CEP89: variants seen among roughly 807,000 people sequenced by gnomAD.
CEP89 encodes centrosomal protein 89.
CEP89 carries 95 observed loss-of-function variants against 97.6 expected under a neutral mutation model. The ratio of observed to expected loss-of-function variants is 0.97; its 90% CI spans 0.82 to 1.15. CEP89 has a LOEUF of 1.15. Ranked by LOEUF, CEP89 falls within the 50% of genes most tolerant of loss-of-function variation. CEP89 has a pLI of 0.00. For missense variants in CEP89, 869 were observed against 947.7 expected (o/e 0.92, Z 1.09); for synonymous variants, 354 against 349.1 (o/e 1.01, Z -0.16).
chr19:32,878,944 A>T lies in CEP89; in HGVS notation c.*218T>A, dbSNP rs1333878099. On this transcript the variant is annotated 3_prime_UTR_variant, in exon 19 of 19. Transcript: ENST00000305768. ...ACCACTGTACTCCAGCATGGGCAAC[A>T]GAGTGAGACCCTAGCTCTAAAAAAA... The T allele has an allele frequency of 1.2e-5, 5 of 420,674 alleles. No individual in the cohort carries two copies. The highest frequency in any genetic ancestry group is 2.1e-5 in the Non-Finnish European group (5 of 238,536). 26.1% of individuals were successfully genotyped at this position (420,674 alleles called of 1,614,324 possible). A position where few individuals can be genotyped will look rare whatever the true frequency, so the allele number is the denominator to read the frequency against.
Position 32,910,594 on chromosome 19 carries a change from A to G in CEP89, c.1565+4743T>C, listed in dbSNP as rs1252910164. 2.0e-5 allele frequency among the ~76,000 whole-genome samples: 3 copies of G among 152,164 alleles called. No individual in the cohort carries two copies. In the East Asian group the frequency reaches 5.8e-4, roughly 29 times the overall value. On this transcript the variant is annotated intron_variant, in intron 14 of 18. Transcript: ENST00000305768. The stretch of plus-strand genomic sequence containing the variant: ...AATTTTTTAACTTTTTGACTTTTTT[A>G]TAACACAGCTTAAAACACACATTGT...
At chr19:32,963,619 C>T (rs1222965897) in intron 2 of CEP89, 3 of 152,116 alleles carry the variant, frequency 2.0e-5, no homozygotes, top group Non-Finnish European at 2.9e-5. Context: ...GACACTGCCC[C>T]TGGCATACAC....
In CEP89 at chr19:32,928,955, G is replaced by A. The variant is rs554972114; in HGVS notation, c.1030-1971C>T. Among the ~76,000 whole-genome samples, 20 of 152,206 alleles carry A rather than the reference G, an allele frequency of 1.3e-4. No homozygotes were observed. In the South Asian group the frequency reaches 2.5e-3, roughly 19 times the overall value. On this transcript the variant is annotated intron_variant, in intron 9 of 18. Coordinates refer to ENST00000305768, the MANE Select transcript of CEP89 (RefSeq NM_032816.5). Reference sequence around the variant, plus strand: ...CATAGGCTGGTGCTGCCTGCTGTTCGACATCTGTAAACATTTGCATTACAT... The same window carrying A: ...CATAGGCTGGTGCTGCCTGCTGTTCAACATCTGTAAACATTTGCATTACAT...
Position 32,887,777 on chromosome 19 carries a change from A to G in CEP89, c.1940T>C (p.Leu647Pro), listed in dbSNP as rs1487661682. ...LNKVIKSNIR[L>P]GKLEEKVKGY... Reference sequence around the variant, plus strand: ...CTTGACTTTTTCCTCTAACTTTCCCAGGCGAATGTTGCTTTTTATGACTTT... The same window carrying G: ...CTTGACTTTTTCCTCTAACTTTCCCGGGCGAATGTTGCTTTTTATGACTTT... Residue 647 changes from leucine (L) to proline (P), a missense_variant, in exon 17 of 19, where the codon CTG becomes CCG. Leu to Pro is a moderately conservative substitution (Grantham distance 98). Transcript: ENST00000305768. 6.2e-7 allele frequency: 1 copy of G among 1,612,650 alleles called. No homozygotes were observed. The highest frequency in any genetic ancestry group is 1.3e-5 in the African/African-American group (1 of 74,886).
At chr19:32,920,399 A>G (rs1411191249) in intron 12 of CEP89, among the ~76,000 whole-genome samples, 1 of 152,172 alleles carries the variant, frequency 6.6e-6, no homozygotes, top group Admixed American at 6.5e-5. Flanking sequence ...TTAAAATGAA[A>G]GGGATCAATC....
chr19:32,942,412 A>G (rs997481860), intron 5 of CEP89, among the ~76,000 whole-genome samples: 3 of 151,386 alleles, frequency 2.0e-5, no homozygotes, highest in Non-Finnish European at 2.9e-5. Flanking sequence ...CAGCTATAGA[A>G]GTGGGGAGAT....
intron 9 of CEP89, chr19:32,931,191 C>T (rs1970465339): frequency 2.3e-6 from 1 of 441,580 alleles, no homozygotes; most frequent in African/African-American, 2.0e-5. Flanking sequence ...CATCCGGCCT[C>T]TTTTACTTTG....
chr19:32,895,519 T>C (rs898682330), intron 16 of CEP89, among the ~76,000 whole-genome samples: 2 of 152,052 alleles, frequency 1.3e-5, no homozygotes, highest in African/African-American at 2.4e-5. Flanking sequence ...TCATACCGAG[T>C]AGGGGAAAGC....
At chr19:32,896,848 A>C (rs1969654186) in intron 16 of CEP89, among the ~76,000 whole-genome samples, 1 of 152,138 alleles carries the variant, frequency 6.6e-6, no homozygotes, top group Non-Finnish European at 1.5e-5. Context: ...CCCATTAAAA[A>C]GTGGGCAAAG....
rs1970574122 is a variant in CEP89, at chr19:32,936,057, AC to A, written c.667+1573del. ...CTACAGTTGCCCTCCCATGTGTAGG[AC>A]CTGGGTGTCTCTGCAGTCTGCACCC... On this transcript the variant is annotated intron_variant, in intron 7 of 18. Transcript: ENST00000305768. The surrounding 1 kb of genome is among the most constrained non-coding windows in gnomAD (Gnocchi z 4.5). Among the ~76,000 whole-genome samples the A allele has an allele frequency of 6.6e-6, 1 of 151,926 alleles. No individual in the cohort carries two copies. The highest frequency in any genetic ancestry group is 2.1e-4 in the South Asian group (1 of 4,810).
At chr19:32,971,328 A>T in intron 1 of CEP89, 1 of 418,324 alleles carries the variant, frequency 2.4e-6, no homozygotes, top group East Asian at 3.4e-5. Flanking sequence ...GGGCACGGGG[A>T]CGAATGCTAC....
At chr19:32,948,484 C>T (rs3764634) in intron 4 of CEP89, 116 bp from the exon 5 acceptor site, 44,663 of 579,898 alleles carry the variant, frequency 0.077, 2,366 homozygotes, top group East Asian at 0.22. Flanking sequence ...GAGCTTCCTC[C>T]ATGGGCACTT....
At chr19:32,968,191 A>G (rs993254277) in intron 1 of CEP89, among the ~76,000 whole-genome samples, 2 of 152,138 alleles carry the variant, frequency 1.3e-5, no homozygotes, top group Admixed American at 6.5e-5. Context: ...GTGATTCCAC[A>G]GTTTCCATGT....
intron 1 of CEP89, among the ~76,000 whole-genome samples, chr19:32,966,982 T>G (rs1269067449): frequency 2.6e-5 from 4 of 152,122 alleles, no homozygotes; most frequent in Admixed American, 2.0e-4. Context: ...TTCACCACCA[T>G]GCCTAGGTAA....
chr19:32,916,159 T>C (rs1970123010), intron 13 of CEP89, among the ~76,000 whole-genome samples: 1 of 151,880 alleles, frequency 6.6e-6, no homozygotes, highest in African/African-American at 2.4e-5. Flanking sequence ...GCGTCTGTGG[T>C]CCCAGATATC....
chr19:32,877,171 TA>T lies in CEP89; in HGVS notation c.*1990del, dbSNP rs770834957. On this transcript the variant is annotated 3_prime_UTR_variant, in exon 19 of 19. Coordinates refer to ENST00000305768, the MANE Select transcript of CEP89 (RefSeq NM_032816.5). ...GTGAGTCTTTCTACCGCTTGTAAAA[TA>T]AAATTAAATTACAATGATTCAACTG... The T allele has an allele frequency of 3.3e-5, 5 of 152,188 alleles. No individual in the cohort carries two copies. The highest frequency in any genetic ancestry group is 6.5e-5 in the Admixed American group (1 of 15,286). The allele number at this position is 152,188 out of a possible 1,614,324, so 9.4% of individuals were successfully genotyped here. A position where few individuals can be genotyped will look rare whatever the true frequency, so the allele number is the denominator to read the frequency against.
chr19:32,926,894 C>T (rs1176588025), intron 10 of CEP89, 40 bp downstream of exon 10: 2 of 1,585,412 alleles, frequency 1.3e-6, no homozygotes, highest in Admixed American at 1.7e-5. Flanking sequence ...GCAAATATAC[C>T]CTGAAAATAT....
Position 32,912,202 on chromosome 19 carries a change from C to CAAA in CEP89, c.1565+3132_1565+3134dup, listed in dbSNP as rs558318035. ...TGGGTGACAGAGTAAGACTCTGTCT[C>CAAA]AAAAAAAAAAAAAGGAAAAAAAAGA... On this transcript the variant is annotated intron_variant, in intron 14 of 18. Coordinates refer to ENST00000305768, the MANE Select transcript of CEP89 (RefSeq NM_032816.5). Among the ~76,000 whole-genome samples, 963 of 98,292 alleles carry CAAA rather than the reference C, an allele frequency of 9.8e-3. 14 individuals carry two copies. Among genetic ancestry groups the CAAA allele is most frequent in the African/African-American group, 0.036 (932 of 25,658 alleles). The allele number at this position is 98,292 out of a possible 152,430, so 64.5% of individuals were successfully genotyped here. A position where few individuals can be genotyped will look rare whatever the true frequency, so the allele number is the denominator to read the frequency against.
At chr19:32,902,006 C>G (rs62125005) in intron 14 of CEP89, among the ~76,000 whole-genome samples, 20,324 of 96,474 alleles carry the variant, frequency 0.21, 1,913 homozygotes, top group East Asian at 0.5. Flanking sequence ...GTCTCTCTCT[C>G]TCTCTGTGTG....
Sources: gnomAD v4.1 joint callset for allele counts (sites outside exome capture counted in the v4.1 genomes callset) on GRCh38, gnomAD v4.1.1 for gene constraint, Gnocchi (gnomAD v3.1) non-coding constraint, MANE v1.5 for transcripts, NCBI Gene and HGNC (gene_info 2026-07-23, HGNC 2026-07-21) for gene names.